TENM2: variants seen among roughly 807,000 people sequenced by gnomAD.
The protein encoded by TENM2 is teneurin transmembrane protein 2.
TENM2 carries 52 observed loss-of-function variants against 245.2 expected under a neutral mutation model. The ratio of observed to expected loss-of-function variants is 0.21; its 90% CI spans 0.17 to 0.27. TENM2 has a LOEUF of 0.27. Ranked by LOEUF, TENM2 falls within the 10% of genes least tolerant of loss-of-function variation. The probability of loss-of-function intolerance (pLI) is 1.00; values close to 1 mark genes in which losing one functional copy is unlikely to be tolerated. For missense variants in TENM2, 3,046 were observed against 3,666.8 expected (o/e 0.83, Z 4.37); for synonymous variants, 1,363 against 1,438.9 (o/e 0.95, Z 1.19).
intron 13 of TENM2, among the ~76,000 whole-genome samples, chr5:168,183,715 C>T (rs369089130): frequency 3.3e-5 from 5 of 152,106 alleles, no homozygotes; most frequent in East Asian, 1.9e-4. Flanking sequence ...ATCTCAAAAA[C>T]GACCCTGAGT....
intron 1 of TENM2, among the ~76,000 whole-genome samples, chr5:167,340,549 C>T (rs528715339): frequency 6.6e-6 from 1 of 152,284 alleles, no homozygotes; most frequent in Admixed American, 6.5e-5. Context: ...GGGCACCCTT[C>T]TATTGGATCA....
chr5:167,301,139 G>A (rs1361194163), intron 1 of TENM2, among the ~76,000 whole-genome samples: 3 of 152,146 alleles, frequency 2.0e-5, no homozygotes, highest in African/African-American at 4.8e-5. Flanking sequence ...CGAGGTGATC[G>A]GGCAGCGTCA....
intron 2 of TENM2, chr5:167,755,034 C>A: frequency 6.3e-7 from 1 of 1,590,458 alleles, no homozygotes; most frequent in Admixed American, 1.7e-5. Flanking sequence ...CGAAGAGCGG[C>A]CCACTCCCAG....
intron 12 of TENM2, among the ~76,000 whole-genome samples, chr5:168,148,519 A>C (rs546344940): frequency 6.6e-6 from 1 of 152,334 alleles, no homozygotes; most frequent in Non-Finnish European, 1.5e-5. Context: ...TGATTAGCTA[A>C]AAACTGTTTA....
chr5:168,126,557 C>T (rs1356344687), intron 11 of TENM2, among the ~76,000 whole-genome samples, 197 bp from the exon 14 acceptor site: 1 of 152,180 alleles, frequency 6.6e-6, no homozygotes, highest in African/African-American at 2.4e-5. Flanking sequence ...AGGGGCCACA[C>T]TTTGAGAGTC....
chr5:167,646,177 C>CATAT (rs57273762), intron 2 of TENM2, among the ~76,000 whole-genome samples: 2 of 84,162 alleles, frequency 2.4e-5, no homozygotes, highest in African/African-American at 9.4e-5. Flanking sequence ...ATGTTGTTTT[C>CATAT]ATATATATAT....
chr5:168,080,365 T>A (rs1791878098), intron 7 of TENM2, among the ~76,000 whole-genome samples: 1 of 152,220 alleles, frequency 6.6e-6, no homozygotes. Context: ...ATTTTGTTGA[T>A]CTTTTCAAAA....
chr5:167,498,903 G>A (rs1712887996), intron 2 of TENM2, among the ~76,000 whole-genome samples: 1 of 152,044 alleles, frequency 6.6e-6, no homozygotes, highest in African/African-American at 2.4e-5. Context: ...ATAAAAACAT[G>A]TACAATTGCT....
intron 3 of TENM2, among the ~76,000 whole-genome samples, chr5:167,929,707 G>A (rs1778135252): frequency 6.6e-6 from 1 of 152,154 alleles, no homozygotes; most frequent in Non-Finnish European, 1.5e-5. Flanking sequence ...CTCTGGACCT[G>A]AAGGACTCTA....
At chr5:167,223,196 A>G in the TENM2 span, among the ~76,000 whole-genome samples, 3 of 152,102 alleles carry the variant, frequency 2.0e-5, no homozygotes, top group Non-Finnish European at 4.4e-5. Context: ...TCCGGTACCC[A>G]TTTCTAGCTA....
chr5:167,808,698 G>T (rs1181177739), intron 2 of TENM2, among the ~76,000 whole-genome samples: 1 of 151,966 alleles, frequency 6.6e-6, no homozygotes, highest in Non-Finnish European at 1.5e-5. Flanking sequence ...TGTTATTTTG[G>T]GTTGTTTTGT....
At chr5:167,539,471 A>G (rs917849625) in intron 2 of TENM2, among the ~76,000 whole-genome samples, 1 of 152,164 alleles carries the variant, frequency 6.6e-6, no homozygotes, top group Non-Finnish European at 1.5e-5. Flanking sequence ...CTACTCTTTC[A>G]TTGCACAGAA....
Position 167,839,966 on chromosome 5 carries a change from C to T in TENM2, c.503-36020C>T, listed in dbSNP as rs904931418. 3.3e-5 allele frequency among the ~76,000 whole-genome samples: 5 copies of T among 152,216 alleles called. No homozygotes were observed. In the East Asian group the frequency reaches 9.7e-4, roughly 29 times the overall value. On this transcript the variant is annotated intron_variant, in intron 2 of 28. Coordinates refer to ENST00000518659, the Ensembl canonical transcript of TENM2. The stretch of plus-strand genomic sequence containing the variant: ...CCAAGTAGCTGGGATTACAGGCATG[C>T]GCCACCACGCCCTGCTAAATTTTTT...
chr5:167,443,710 T>A (rs1437388669), intron 2 of TENM2, among the ~76,000 whole-genome samples: 4 of 152,202 alleles, frequency 2.6e-5, no homozygotes, highest in African/African-American at 9.6e-5. Flanking sequence ...TTCTGAAATA[T>A]GTTTTGCCTC....
chr5:167,126,856 T>G, the TENM2 span, among the ~76,000 whole-genome samples: 105 of 152,218 alleles, frequency 6.9e-4, 1 homozygote, highest in Non-Finnish European at 1.1e-3. Context: ...GGTGAGTTTA[T>G]AAGATCAACT....
At chr5:167,794,058 C>T (rs1038505884) in intron 2 of TENM2, among the ~76,000 whole-genome samples, 15 of 151,722 alleles carry the variant, frequency 9.9e-5, no homozygotes, top group Non-Finnish European at 2.2e-4. Context: ...GCTTAGGGCT[C>T]CTTTCCCCAA....
At chr5:167,301,790 T>C (rs1177970478) in intron 1 of TENM2, among the ~76,000 whole-genome samples, 2 of 152,152 alleles carry the variant, frequency 1.3e-5, no homozygotes, top group African/African-American at 4.8e-5. Context: ...TAACCTTGAC[T>C]ATGCCTTTAG....
chr5:167,872,352 A>T (rs1403241293), intron 2 of TENM2, among the ~76,000 whole-genome samples: 1 of 136,968 alleles, frequency 7.3e-6, no homozygotes, highest in Non-Finnish European at 1.6e-5. Context: ...GAAAGAAAGA[A>T]AGGAAAGAGA....
At chr5:168,106,281 C>T (rs558958476) in intron 9 of TENM2, among the ~76,000 whole-genome samples, 3 of 152,216 alleles carry the variant, frequency 2.0e-5, no homozygotes, top group South Asian at 2.1e-4. Context: ...ATTTTTCTCC[C>T]GTTAACTGGC....
Sources: gnomAD v4.1 joint callset for allele counts (sites outside exome capture counted in the v4.1 genomes callset) on GRCh38, gnomAD v4.1.1 for gene constraint, MANE v1.5 for transcripts, NCBI Gene and HGNC (gene_info 2026-07-23, HGNC 2026-07-21) for gene names.